KLHL36: variants seen among roughly 807,000 people sequenced by gnomAD.
KLHL36 encodes the protein kelch like family member 36, also known as kelch-like protein 36.
KLHL36 carries 35 observed loss-of-function variants against 53.3 expected under a neutral mutation model. That is an observed-to-expected ratio of 0.66 (90% CI 0.50 to 0.87). The LOEUF (loss-of-function observed/expected upper bound fraction) is 0.87. Ranked by LOEUF, KLHL36 falls within the 40% of genes least tolerant of loss-of-function variation. KLHL36 has a pLI of 0.00. For missense variants in KLHL36, 864 were observed against 897.6 expected, an observed-to-expected ratio of 0.96 and a Z score of 0.48; for synonymous variants, 472 against 398.9, an observed-to-expected ratio of 1.18 and a Z score of -2.18.
rs776502347 is a variant in KLHL36, at chr16:84,657,284, C to T, written c.477C>T (p.Ser159=). 40 of 1,614,060 alleles carry T rather than the reference C, an allele frequency of 2.5e-5. No individual in the cohort carries two copies. The highest frequency in any genetic ancestry group is 3.2e-5 in the Non-Finnish European group (38 of 1,180,030). The change falls in exon 3 of 5, where the codon AGC becomes AGT. Residue 159 remains serine, a synonymous_variant. Coordinates refer to ENST00000564996, the MANE Select transcript of KLHL36 (RefSeq NM_024731.4). ...LYLQELASIY[S]LKRLDAFIDG... is the part of the protein sequence containing the mutation. Reference sequence around the variant, plus strand: ...TGCAGGAGCTGGCCTCCATCTACAGCCTCAAGCGGCTTGATGCCTTCATCG... The same window carrying T: ...TGCAGGAGCTGGCCTCCATCTACAGTCTCAAGCGGCTTGATGCCTTCATCG...
In KLHL36 at chr16:84,657,368, C is replaced by G; in HGVS notation, c.561C>G (p.Asn187Lys). Reference protein sequence around the residue: ...TLSFTPDFLQNVSMQKLCVYL... With the variant: ...TLSFTPDFLQKVSMQKLCVYL... The stretch of plus-strand genomic sequence containing the variant: ...CCTTTACGCCCGACTTCCTGCAGAA[C>G]GTCTCCATGCAGAAGCTGTGTGTCT... The change falls in exon 3 of 5, where the codon AAC becomes AAG. Residue 187 changes from asparagine to lysine, a missense_variant. Coordinates refer to ENST00000564996, the MANE Select transcript of KLHL36 (RefSeq NM_024731.4). 2.5e-6 allele frequency: 4 copies of G among 1,611,100 alleles called. No homozygotes were observed. The highest frequency in any genetic ancestry group is 2.5e-6 in the Non-Finnish European group (3 of 1,180,018).
At chr16:84,650,983 T>C in intron 2 of KLHL36, 53 bp downstream of exon 2, 2 of 1,393,958 alleles carry the variant, frequency 1.4e-6, no homozygotes, top group Non-Finnish European at 2.0e-6. Context: ...AGTGTGATCC[T>C]TTTTCTGATT....
In KLHL36 at chr16:84,662,448, C is replaced by T. The variant is rs1907616258; in HGVS notation, c.*315C>T. On this transcript the variant is annotated 3_prime_UTR_variant, in exon 5 of 5. Coordinates refer to ENST00000564996, the MANE Select transcript of KLHL36 (RefSeq NM_024731.4). ...CTGAGAGTAGCTGGCACGTGGGTAA[C>T]ACAGAAATTTCTGTAGTGAAGCTTG... is the stretch of plus-strand genomic sequence containing the variant. The T allele has an allele frequency of 4.5e-6, 1 of 222,594 alleles. No homozygotes were observed. Among genetic ancestry groups the T allele is most frequent in the African/African-American group, 2.3e-5 (1 of 44,368 alleles). 13.8% of individuals were successfully genotyped at this position (222,594 alleles called of 1,614,324 possible).
chr16:84,664,807 A>G lies in KLHL36; in HGVS notation c.*2674A>G, dbSNP rs1192733777. Reference sequence around the variant, plus strand: ...TTCACCCTACTGTGCATGAAAATGGAACTGAAAATGGAAGAGACCATGCCT... The same window carrying G: ...TTCACCCTACTGTGCATGAAAATGGGACTGAAAATGGAAGAGACCATGCCT... On this transcript the variant is annotated 3_prime_UTR_variant, in exon 5 of 5. Coordinates refer to ENST00000564996, the MANE Select transcript of KLHL36 (RefSeq NM_024731.4). 1 of 152,204 alleles carries G rather than the reference A, an allele frequency of 6.6e-6. No individual in the cohort carries two copies. The highest frequency in any genetic ancestry group is 1.5e-5 in the Non-Finnish European group (1 of 68,044). The allele number at this position is 152,204 out of a possible 1,614,324, so 9.4% of individuals were successfully genotyped here.
rs1031198304 is a variant in KLHL36 at position 84,661,305 on chromosome 16, C to T, written c.1296-273C>T. ...AAAGGGTGATGGTCCTGTGATTATTCCCATTTCCCAGATGGGGCAAGGGAG... is the reference window on the plus strand; with the variant it reads ...AAAGGGTGATGGTCCTGTGATTATTTCCATTTCCCAGATGGGGCAAGGGAG... On this transcript the variant is annotated intron_variant, in intron 4 of 4. Transcript: ENST00000564996. The surrounding 1 kb of genome is among the most constrained non-coding windows in gnomAD (Gnocchi z 7.9). Among the ~76,000 whole-genome samples the T allele has an allele frequency of 6.6e-6, 1 of 152,174 alleles. No individual in the cohort carries two copies. The highest frequency in any genetic ancestry group is 1.5e-5 in the Non-Finnish European group (1 of 68,026).
chr16:84,651,558 G>A (rs954827599), intron 2 of KLHL36, among the ~76,000 whole-genome samples: 2 of 152,178 alleles, frequency 1.3e-5, no homozygotes, highest in African/African-American at 4.8e-5. Context: ...GAGTGGGGGA[G>A]CCATTGGTAT....
intron 4 of KLHL36, among the ~76,000 whole-genome samples, chr16:84,660,343 C>G (rs1907475229): frequency 6.6e-6 from 1 of 152,174 alleles, no homozygotes; most frequent in Non-Finnish European, 1.5e-5. Context: ...ATACCCACCC[C>G]ACAGCACTGT....
In KLHL36 at chr16:84,664,129, C is replaced by T. The variant is rs1004603254; in HGVS notation, c.*1996C>T. 6.6e-6 allele frequency: 1 copy of T among 152,226 alleles called. No individual in the cohort carries two copies. The highest frequency in any genetic ancestry group is 2.4e-5 in the African/African-American group (1 of 41,460). The allele number at this position is 152,226 out of a possible 1,614,324, so 9.4% of individuals were successfully genotyped here. A position where few individuals can be genotyped will look rare whatever the true frequency, so the allele number is the denominator to read the frequency against. On this transcript the variant is annotated 3_prime_UTR_variant, in exon 5 of 5. Coordinates refer to ENST00000564996, the MANE Select transcript of KLHL36 (RefSeq NM_024731.4). ...TTTGTCTCATACCTAGTCCCAGACC[C>T]CCACAAAACATGTTTTGCAGAACTT...
Position 84,657,368 on chromosome 16 carries a change from C to T in KLHL36, c.561C>T (p.Asn187=), listed in dbSNP as rs756789288. ...CCTTTACGCCCGACTTCCTGCAGAACGTCTCCATGCAGAAGCTGTGTGTCT... is the reference window on the plus strand; with the variant it reads ...CCTTTACGCCCGACTTCCTGCAGAATGTCTCCATGCAGAAGCTGTGTGTCT... ...TLSFTPDFLQ[N]VSMQKLCVYL... Residue 187 remains asparagine, a synonymous_variant, in exon 3 of 5, where the codon AAC becomes AAT. Coordinates refer to ENST00000564996, the MANE Select transcript of KLHL36 (RefSeq NM_024731.4). 13 of 1,610,982 alleles carry T rather than the reference C, an allele frequency of 8.1e-6. No homozygotes were observed. In the African/African-American group the frequency reaches 9.3e-5, roughly 12 times the overall value.
At chr16:84,649,106 C>T (rs35643385) in intron 1 of KLHL36, 9,164 of 152,446 alleles carry the variant, frequency 0.06, 311 homozygotes, top group Middle Eastern at 0.11. Context: ...CTGGGAAACC[C>T]CCGGCCGGAC....
chr16:84,665,579 C>G lies in KLHL36; in HGVS notation c.*3446C>G, dbSNP rs548157879. 6.6e-6 allele frequency: 1 copy of G among 152,326 alleles called. No individual in the cohort carries two copies. The highest frequency in any genetic ancestry group is 1.5e-5 in the Non-Finnish European group (1 of 68,036). The allele number at this position is 152,326 out of a possible 1,614,324, so 9.4% of individuals were successfully genotyped here. On this transcript the variant is annotated 3_prime_UTR_variant, in exon 5 of 5. Coordinates refer to ENST00000564996, the MANE Select transcript of KLHL36 (RefSeq NM_024731.4). ...TGAGGCTATCAAGTGGGACTTCAGA[C>G]CTGGCTCTGAGCAGGACCACACGTG...
chr16:84,660,035 G>A (rs112221632), intron 4 of KLHL36, 118 bp downstream of exon 4: 19 of 1,042,924 alleles, frequency 1.8e-5, no homozygotes, highest in Admixed American at 1.0e-4. Context: ...GAAATCTTCC[G>A]GCTTGTCAGG....
rs892414033 is a variant in KLHL36, at chr16:84,662,909, T to C, written c.*776T>C. The C allele has an allele frequency of 6.6e-6, 1 of 152,184 alleles. No homozygotes were observed. Among genetic ancestry groups the C allele is most frequent in the Non-Finnish European group, 1.5e-5 (1 of 68,028 alleles). 9.4% of individuals were successfully genotyped at this position (152,184 alleles called of 1,614,324 possible). A position where few individuals can be genotyped will look rare whatever the true frequency, so the allele number is the denominator to read the frequency against. On this transcript the variant is annotated 3_prime_UTR_variant, in exon 5 of 5. Transcript: ENST00000564996. ...AGGTAACCAAAAACGAAAAAAGGTA[T>C]GAAGCTCTTTATACATATTTTTTTG...
At position 84,657,408 on chromosome 16, in the gene KLHL36, G is replaced by A. The variant is rs776503574; in HGVS notation, c.601G>A (p.Glu201Lys). The A allele has an allele frequency of 8.1e-6, 13 of 1,606,822 alleles. No individual in the cohort carries two copies. Among genetic ancestry groups the A allele is most frequent in the East Asian group, 2.2e-5 (1 of 44,872 alleles). ...QKLCVYLSSS[E>K]VQRECEHDLL... ...GCTGTGTGTCTACCTGAGCAGCAGC[G>A]AGGTGCAGCGGGAGTGTGAGCACGA... The change falls in exon 3 of 5, where the codon GAG (glutamate) becomes AAG (lysine). Residue 201 changes from glutamate (E) to lysine (K), a missense_variant. Glu to Lys is a moderately conservative substitution (Grantham distance 56). Coordinates refer to ENST00000564996, the MANE Select transcript of KLHL36 (RefSeq NM_024731.4).
Position 84,662,490 on chromosome 16 carries a change from C to A in KLHL36, c.*357C>A. ...TGAAGCTTGGGCCTCAAAGGGTTCT[C>A]TTAGGCCACCTAGTCCAAGCCTCCC... is the stretch of plus-strand genomic sequence containing the variant. On this transcript the variant is annotated 3_prime_UTR_variant, in exon 5 of 5. Transcript: ENST00000564996. The A allele has an allele frequency of 5.5e-6, 1 of 183,370 alleles. No homozygotes were observed. Among genetic ancestry groups the A allele is most frequent in the Non-Finnish European group, 1.1e-5 (1 of 87,526 alleles). 11.4% of individuals were successfully genotyped at this position (183,370 alleles called of 1,614,324 possible).
In KLHL36 at chr16:84,665,247, T is replaced by A. The variant is rs1029542773; in HGVS notation, c.*3114T>A. The stretch of plus-strand genomic sequence containing the variant: ...TGCTTGAATTTTGAAGACACCTGGA[T>A]CTTTTTTTTTTTTTAACATTTCAAA... On this transcript the variant is annotated 3_prime_UTR_variant, in exon 5 of 5. Transcript: ENST00000564996. The A allele has an allele frequency of 6.9e-5, 6 of 87,314 alleles. No individual in the cohort carries two copies. The highest frequency in any genetic ancestry group is 2.9e-4 in the African/African-American group (6 of 20,982). 5.4% of individuals were successfully genotyped at this position (87,314 alleles called of 1,614,324 possible).
In KLHL36 at chr16:84,663,399, G is replaced by T. The variant is rs1380175013; in HGVS notation, c.*1266G>T. 6.6e-6 allele frequency: 1 copy of T among 152,306 alleles called. No homozygotes were observed. Among genetic ancestry groups the T allele is most frequent in the East Asian group, 1.9e-4 (1 of 5,208 alleles). 9.4% of individuals were successfully genotyped at this position (152,306 alleles called of 1,614,324 possible). On this transcript the variant is annotated 3_prime_UTR_variant, in exon 5 of 5. Transcript: ENST00000564996. ...CTCCTGCAAACAGTTCCTAAAGCAG[G>T]TGTCAGGGTCGCTTGCCCTTTAAGA...
At chr16:84,657,990 G>A (rs1323661120) in intron 3 of KLHL36, 46 bp downstream of exon 3, 10 of 1,390,198 alleles carry the variant, frequency 7.2e-6, no homozygotes, top group Non-Finnish European at 9.6e-6. Context: ...GGACTCTCTC[G>A]GTTTCCTTAA....
chr16:84,657,661 C>G lies in KLHL36; in HGVS notation c.854C>G (p.Thr285Ser). ...NNLAAQPVMQ[T>S]KRTALRTNQE... Reference sequence around the variant, plus strand: ...CTGGCGGCCCAGCCCGTCATGCAGACCAAGCGCACGGCGCTGCGCACCAAC... The same window carrying G: ...CTGGCGGCCCAGCCCGTCATGCAGAGCAAGCGCACGGCGCTGCGCACCAAC... Residue 285 changes from threonine to serine, a missense_variant, in exon 3 of 5, where the codon ACC becomes AGC. Transcript: ENST00000564996. 6.2e-7 allele frequency: 1 copy of G among 1,612,338 alleles called. No individual in the cohort carries two copies. The highest frequency in any genetic ancestry group is 8.5e-7 in the Non-Finnish European group (1 of 1,179,628).
Sources: allele counts gnomAD v4.1 joint callset (sites outside exome capture counted in the v4.1 genomes callset), GRCh38; gene constraint gnomAD v4.1.1; non-coding constraint Gnocchi (gnomAD v3.1); transcripts MANE v1.5; gene names NCBI Gene and HGNC (gene_info 2026-07-23, HGNC 2026-07-21).